The following CTNNA3 variants were observed in gnomAD, a reference collection of about 807,000 sequenced individuals.
The protein encoded by CTNNA3 is catenin alpha-3.
In CTNNA3, 76 loss-of-function variants were observed where a neutral mutation model predicts 95.7. The ratio of observed to expected loss-of-function variants is 0.79; its 90% confidence interval spans 0.66 to 0.96. The LOEUF (loss-of-function observed/expected upper bound fraction) is 0.96. Ranked by LOEUF, CTNNA3 falls within the 40% of genes least tolerant of loss-of-function variation. The pLI, the probability that CTNNA3 is intolerant of heterozygous loss-of-function variation, is 0.00. For synonymous variants in CTNNA3, 431 were observed against 374.4 expected, an observed-to-expected ratio of 1.15 and a Z score of -1.74; for missense variants, 1,191 against 1,089.8, an observed-to-expected ratio of 1.09 and a Z score of -1.31.
chr10:66,374,761 C>G (rs575643375), intron 12 of CTNNA3, among the ~76,000 whole-genome samples: 1 of 151,842 alleles, frequency 6.6e-6, no homozygotes, highest in South Asian at 2.1e-4. Context: ...ATTACAGGCA[C>G]ATGCTACAAC....
chr10:66,803,095 C>G (rs1220369520), intron 7 of CTNNA3, among the ~76,000 whole-genome samples: 1 of 151,974 alleles, frequency 6.6e-6, no homozygotes, highest in East Asian at 1.9e-4. Flanking sequence ...AAGATCTCTG[C>G]ATTTAATTTA....
intron 16 of CTNNA3, among the ~76,000 whole-genome samples, chr10:65,969,117 C>G (rs1450213745): frequency 6.6e-6 from 1 of 152,038 alleles, no homozygotes; most frequent in Non-Finnish European, 1.5e-5. Context: ...ACTGAACCGC[C>G]CAATATGAAA....
At chr10:67,054,389 C>A (rs1441237037) in intron 7 of CTNNA3, among the ~76,000 whole-genome samples, 1 of 151,954 alleles carries the variant, frequency 6.6e-6, no homozygotes, top group Non-Finnish European at 1.5e-5. Flanking sequence ...AGCTAAGTGA[C>A]CAATGAGGAC....
intron 10 of CTNNA3, among the ~76,000 whole-genome samples, chr10:66,563,112 T>C (rs555433973): frequency 6.6e-6 from 1 of 152,240 alleles, no homozygotes; most frequent in East Asian, 1.9e-4. Context: ...TAGTGTTCTA[T>C]AGACTGTAGT....
intron 17 of CTNNA3, among the ~76,000 whole-genome samples, chr10:65,927,196 C>G (rs376629620): frequency 6.6e-6 from 1 of 152,098 alleles, no homozygotes; most frequent in African/African-American, 2.4e-5. Flanking sequence ...ACGTATTAAA[C>G]GAGTCTTTAA....
At chr10:67,054,287 GA>G (rs1477361414) in intron 7 of CTNNA3, among the ~76,000 whole-genome samples, 1 of 152,028 alleles carries the variant, frequency 6.6e-6, no homozygotes, top group Non-Finnish European at 1.5e-5. Context: ...AGAACATCAG[GA>G]AGAAACATGT....
intron 7 of CTNNA3, among the ~76,000 whole-genome samples, chr10:66,836,137 C>T (rs561965128): frequency 2.0e-5 from 3 of 152,238 alleles, no homozygotes; most frequent in South Asian, 4.1e-4. Flanking sequence ...CAACCATGAT[C>T]TATATTAAGC....
At chr10:66,377,028 G>C (rs185910049) in intron 12 of CTNNA3, among the ~76,000 whole-genome samples, 21 of 152,182 alleles carry the variant, frequency 1.4e-4, no homozygotes, top group Admixed American at 1.4e-3. Context: ...GATCTAATTA[G>C]TTTTCTCATC....
intron 7 of CTNNA3, among the ~76,000 whole-genome samples, chr10:67,073,321 G>T (rs1856565578): frequency 6.6e-6 from 1 of 151,824 alleles, no homozygotes. Context: ...TCCATTAATT[G>T]GCTAAATTTT....
At chr10:67,243,660 C>T (rs1426611578) in intron 5 of CTNNA3, among the ~76,000 whole-genome samples, 6 of 152,186 alleles carry the variant, frequency 3.9e-5, no homozygotes, top group Non-Finnish European at 8.8e-5. Context: ...TCACTCTTTT[C>T]TCCAGATACA....
intron 13 of CTNNA3, chr10:66,118,322 A>G (rs1173592974): frequency 6.6e-6 from 1 of 152,200 alleles, no homozygotes; most frequent in African/African-American, 2.4e-5. Flanking sequence ...GGGCCAAGCC[A>G]TGCATATATA....
chr10:66,773,138 G>C (rs1270855949), intron 8 of CTNNA3, among the ~76,000 whole-genome samples: 1 of 152,120 alleles, frequency 6.6e-6, no homozygotes, highest in African/African-American at 2.4e-5. Context: ...GGTAAGTGAG[G>C]ATAATGAGAA....
intron 3 of CTNNA3, among the ~76,000 whole-genome samples, chr10:67,566,043 G>GTATGTATATATATATATATA (rs1841768862): frequency 7.4e-5 from 2 of 26,966 alleles, no homozygotes; most frequent in Non-Finnish European, 6.3e-5. Context: ...ATGTGTGTGT[G>GTATGTATATATATATATATA]TATATATATA....
intron 5 of CTNNA3, among the ~76,000 whole-genome samples, chr10:67,482,797 T>C (rs1324883741): frequency 6.6e-6 from 1 of 152,084 alleles, no homozygotes; most frequent in East Asian, 1.9e-4. Context: ...TGAATAGAAG[T>C]GGTGAGAGAG....
intron 13 of CTNNA3, among the ~76,000 whole-genome samples, chr10:66,220,746 C>G (rs867035112): frequency 1.3e-5 from 2 of 152,096 alleles, no homozygotes; most frequent in Non-Finnish European, 2.9e-5. Flanking sequence ...TCAGGGCAGC[C>G]AAACTCTTCT....
At chr10:67,443,699 C>T (rs905317386) in intron 5 of CTNNA3, among the ~76,000 whole-genome samples, 1 of 152,034 alleles carries the variant, frequency 6.6e-6, no homozygotes, top group African/African-American at 2.4e-5. Flanking sequence ...GATATTAGCC[C>T]TTTGTCAGAT....
At chr10:66,484,226 T>A (rs772685708) in intron 11 of CTNNA3, among the ~76,000 whole-genome samples, 1 of 136,044 alleles carries the variant, frequency 7.4e-6, no homozygotes, top group East Asian at 2.2e-4. Context: ...AGTATCATTT[T>A]AAAATATTTC....
chr10:65,963,161 C>T (rs1300732524), intron 17 of CTNNA3, among the ~76,000 whole-genome samples: 2 of 152,042 alleles, frequency 1.3e-5, no homozygotes, highest in Non-Finnish European at 2.9e-5. Flanking sequence ...AGAAATTGTT[C>T]ATTACTCTCA....
intron 15 of CTNNA3, among the ~76,000 whole-genome samples, chr10:66,065,219 T>C (rs1240025869): frequency 7.4e-6 from 1 of 135,652 alleles, no homozygotes; most frequent in African/African-American, 2.6e-5. Flanking sequence ...AAACTTATGT[T>C]GGTTTAAATG....
Sources: allele counts gnomAD v4.1 joint callset (sites outside exome capture counted in the v4.1 genomes callset), GRCh38; gene constraint gnomAD v4.1.1; transcripts MANE v1.5; gene names NCBI Gene and HGNC (gene_info 2026-07-23, HGNC 2026-07-21).